The following CD276 variants were observed in gnomAD, a reference collection of about 807,000 sequenced individuals.
CD276 encodes CD276 antigen.
CD276 carries 34 observed loss-of-function variants against 50.0 expected under a neutral mutation model. That is an observed-to-expected ratio of 0.68 (90% CI 0.52 to 0.91). The LOEUF is 0.91. Among genes scored for constraint, CD276 ranks in the 40% least tolerant of loss-of-function variants. The pLI, the probability that CD276 is intolerant of heterozygous loss-of-function variation, is 0.00. For synonymous variants in CD276, 275 were observed against 313.0 expected, an observed-to-expected ratio of 0.88 and a Z score of 1.28; for missense variants, 634 against 717.5, an observed-to-expected ratio of 0.88 and a Z score of 1.33.
At chr15:73,685,540 A>G (rs1244561695) in intron 1 of CD276, among the ~76,000 whole-genome samples, 1 of 151,380 alleles carries the variant, frequency 6.6e-6, no homozygotes, top group Non-Finnish European at 1.5e-5. Flanking sequence ...AAAACGATTT[A>G]CCTTCAAATT....
intron 6 of CD276, among the ~76,000 whole-genome samples, chr15:73,705,214 GA>G (rs1900602453): frequency 6.6e-6 from 1 of 152,152 alleles, no homozygotes; most frequent in South Asian, 2.1e-4. Context: ...CTGGCCAACT[GA>G]GCTTTCCCAG....
chr15:73,698,540 G>A (rs1289626322), intron 1 of CD276, among the ~76,000 whole-genome samples: 1 of 152,018 alleles, frequency 6.6e-6, no homozygotes, highest in African/African-American at 2.4e-5. Flanking sequence ...CTTCCTACAG[G>A]GATGGCTATA....
chr15:73,702,781 C>A lies in CD276; in HGVS notation c.428C>A (p.Ser143Ter). ...AVSLQVAAPYSKPSMTLEPNK... is the reference protein window; with the variant it reads ...AVSLQVAAPY ...CCTCTGTCACCTCCAGCTCCCTACT[C>A]GAAGCCCAGCATGACCCTGGAGCCC... Residue 143 changes from serine to a stop codon, truncating the protein, a stop_gained, in exon 4 of 10, where the codon TCG becomes TAG. Transcript: ENST00000318443. LOFTEE classifies it high-confidence loss of function. 1 of 1,611,404 alleles carries A rather than the reference C, an allele frequency of 6.2e-7. No individual in the cohort carries two copies. Among genetic ancestry groups the A allele is most frequent in the Non-Finnish European group, 8.5e-7 (1 of 1,178,774 alleles).
chr15:73,685,940 T>G (rs1018573607), intron 1 of CD276, among the ~76,000 whole-genome samples: 1 of 152,134 alleles, frequency 6.6e-6, no homozygotes, highest in Non-Finnish European at 1.5e-5. Context: ...TGAGTACATT[T>G]TCCTGATATC....
chr15:73,709,570 A>G (rs1900807072), intron 7 of CD276, 78 bp from the exon 8 acceptor site: 6 of 1,434,668 alleles, frequency 4.2e-6, no homozygotes, highest in Non-Finnish European at 5.9e-6. Flanking sequence ...AGCTTCCTGC[A>G]CTCTCAGGTG....
chr15:73,699,970 C>T (rs751023018), intron 2 of CD276, among the ~76,000 whole-genome samples: 1 of 152,198 alleles, frequency 6.6e-6, no homozygotes, highest in Non-Finnish European at 1.5e-5. Context: ...CGCCCCCTCC[C>T]AGGACCTTTC....
rs769125321 is a variant in CD276, at chr15:73,703,084, C to T, written c.731C>T (p.Thr244Ile). The change falls in exon 4 of 10, where the codon ACA becomes ATA. Residue 244 changes from threonine to isoleucine, a missense_variant and splice_region_variant. Coordinates refer to ENST00000318443, the MANE Select transcript of CD276 (RefSeq NM_001024736.2). Reference protein sequence around the residue: ...SVTITPQRSPTGAVEVQVPED... With the variant: ...SVTITPQRSPIGAVEVQVPED... ...ACCATCACACCCCAGAGAAGCCCCA[C>T]AGGTTGCTTTGCTTAAATGTCCCCT... 2.5e-6 allele frequency: 4 copies of T among 1,590,564 alleles called. No homozygotes were observed. Among genetic ancestry groups the T allele is most frequent in the Non-Finnish European group, 2.6e-6 (3 of 1,166,560 alleles).
chr15:73,711,217 G>GA, intron 9 of CD276, 47 bp downstream of exon 9: 1 of 1,589,084 alleles, frequency 6.3e-7, no homozygotes, highest in Non-Finnish European at 8.6e-7. Context: ...GCACACATCT[G>GA]TGTGTGAGAG....
chr15:73,713,771 C>A lies in CD276; in HGVS notation c.*815C>A. On this transcript the variant is annotated 3_prime_UTR_variant, in exon 10 of 10. Coordinates refer to ENST00000318443, the MANE Select transcript of CD276 (RefSeq NM_001024736.2). ...GGTTCTCCAGGGGTCTGTGATGGGG[C>A]CCCTGGGGGTCAGCTTCTGTCCCTC... 1 of 432,228 alleles carries A rather than the reference C, an allele frequency of 2.3e-6. No individual in the cohort carries two copies. The highest frequency in any genetic ancestry group is 1.7e-5 in the South Asian group (1 of 60,554). The allele number at this position is 432,228 out of a possible 1,614,324, so 26.8% of individuals were successfully genotyped here. A position where few individuals can be genotyped will look rare whatever the true frequency, so the allele number is the denominator to read the frequency against.
intron 1 of CD276, among the ~76,000 whole-genome samples, chr15:73,689,153 A>C (rs572197949): frequency 6.7e-6 from 1 of 150,286 alleles, no homozygotes; most frequent in East Asian, 2.0e-4. Context: ...TCTGGGCCCA[A>C]TGTAGCTTTC....
rs2141572131 is a variant in CD276 at position 73,704,523 on chromosome 15, T to C, written c.1369+51T>C. On this transcript the variant is annotated intron_variant, in intron 6 of 9. Coordinates refer to ENST00000318443, the MANE Select transcript of CD276 (RefSeq NM_001024736.2). This position sits in a 1 kb window ranked among gnomAD's most constrained non-coding sequence, Gnocchi z 4.1. ...AGGACGGAGCGAGTAACTCCCTCTTTACTGGACCCTAACGTGGAATTTCCA... is the reference window on the plus strand; with the variant it reads ...AGGACGGAGCGAGTAACTCCCTCTTCACTGGACCCTAACGTGGAATTTCCA... The C allele has an allele frequency of 1.3e-6, 2 of 1,558,050 alleles. No homozygotes were observed.
chr15:73,698,284 C>T (rs1900250444), intron 1 of CD276, among the ~76,000 whole-genome samples: 1 of 152,220 alleles, frequency 6.6e-6, no homozygotes, highest in African/African-American at 2.4e-5. Flanking sequence ...TTCCCACACT[C>T]ATACACCTAG....
intron 7 of CD276, among the ~76,000 whole-genome samples, chr15:73,708,946 C>T (rs959707260): frequency 2.6e-5 from 4 of 152,146 alleles, no homozygotes; most frequent in African/African-American, 9.7e-5. Context: ...CCCGAGCTGG[C>T]ATTGGTGACT....
At chr15:73,691,346 C>T (rs1899981705) in intron 1 of CD276, among the ~76,000 whole-genome samples, 1 of 152,172 alleles carries the variant, frequency 6.6e-6, no homozygotes. Context: ...CCATCTCTGC[C>T]TCTGTTCATT....
Position 73,711,117 on chromosome 15 carries a change from G to T in CD276, c.1547-18G>T, listed in dbSNP as rs200284326. On this transcript the variant is annotated intron_variant, in intron 8 of 9. Transcript: ENST00000318443. ...CCATGGTTCCTCCCTCACCGTGTGCGCCTTCCTTTTTTTACAGCCCTGCAG... is the reference window on the plus strand; with the variant it reads ...CCATGGTTCCTCCCTCACCGTGTGCTCCTTCCTTTTTTTACAGCCCTGCAG... The T allele has an allele frequency of 1.2e-6, 2 of 1,613,858 alleles. No individual in the cohort carries two copies. The highest frequency in any genetic ancestry group is 1.7e-6 in the Non-Finnish European group (2 of 1,179,956).
chr15:73,690,848 G>A, intron 1 of CD276: 1 of 455,274 alleles, frequency 2.2e-6, no homozygotes, highest in Non-Finnish European at 4.4e-6. Context: ...AGGAAGAGGT[G>A]AGGCTGGGCA....
intron 6 of CD276, among the ~76,000 whole-genome samples, chr15:73,705,915 C>T (rs1900629732): frequency 6.6e-6 from 1 of 152,260 alleles, no homozygotes; most frequent in South Asian, 2.1e-4. Flanking sequence ...AGAGAAAATT[C>T]TCTATTTTAA....
rs954203126 is a variant in CD276 at position 73,708,555 on chromosome 15, T to A, written c.1504+82T>A. 6 of 1,472,196 alleles carry A rather than the reference T, an allele frequency of 4.1e-6. No homozygotes were observed. The African/African-American group carries it at 8.3e-5, about 20-fold the overall frequency. 91.2% of individuals were successfully genotyped at this position (1,472,196 alleles called of 1,614,324 possible). A position where few individuals can be genotyped will look rare whatever the true frequency, so the allele number is the denominator to read the frequency against. On this transcript the variant is annotated intron_variant, in intron 7 of 9. Coordinates refer to ENST00000318443, the MANE Select transcript of CD276 (RefSeq NM_001024736.2). Reference sequence around the variant, plus strand: ...GTTGCTGTCTTTGATGTCAATAGAGTGTCACTTTCTAGTGACAGAACGAGT... The same window carrying A: ...GTTGCTGTCTTTGATGTCAATAGAGAGTCACTTTCTAGTGACAGAACGAGT...
At chr15:73,693,739 G>T (rs1006441084) in intron 1 of CD276, among the ~76,000 whole-genome samples, 12 of 152,250 alleles carry the variant, frequency 7.9e-5, no homozygotes, top group Admixed American at 6.5e-4. Context: ...GGTCCAAGGG[G>T]TCACATGAGG....
Sources: allele counts gnomAD v4.1 joint callset (sites outside exome capture counted in the v4.1 genomes callset), GRCh38; gene constraint gnomAD v4.1.1; non-coding constraint Gnocchi (gnomAD v3.1); transcripts MANE v1.5; gene names NCBI Gene and HGNC (gene_info 2026-07-23, HGNC 2026-07-21).